The following CHD1 variants were observed in gnomAD, a reference collection of about 807,000 sequenced individuals.
CHD1 encodes the protein chromodomain helicase DNA binding protein 1.
Under a neutral mutation model 224.2 loss-of-function variants are expected in CHD1, and 36 were observed. The observed-to-expected ratio is 0.16, with a 90% CI of 0.12 to 0.21. CHD1 has a LOEUF of 0.21. Among genes scored for constraint, CHD1 ranks in the 10% least tolerant of loss-of-function variants. The pLI is 1.00. For missense variants in CHD1, 1,378 were observed against 1,994.8 expected, an observed-to-expected ratio of 0.69 and a Z score of 5.89; for synonymous variants, 668 against 658.3, an observed-to-expected ratio of 1.01 and a Z score of -0.23.
intron 2 of CHD1, among the ~76,000 whole-genome samples, chr5:98,916,904 T>C (rs997599935): frequency 6.6e-6 from 1 of 150,598 alleles, no homozygotes; most frequent in Non-Finnish European, 1.5e-5. Context: ...CTGATTCTTT[T>C]ATTATAAATT....
chr5:98,857,789 A>C (rs1431762552), intron 35 of CHD1, among the ~76,000 whole-genome samples: 1 of 151,996 alleles, frequency 6.6e-6, no homozygotes, highest in East Asian at 1.9e-4. Context: ...ATTTTTCCCG[A>C]CTTTTTAAAA....
At chr5:98,906,433 T>C (rs1229600207) in intron 2 of CHD1, among the ~76,000 whole-genome samples, 1 of 152,074 alleles carries the variant, frequency 6.6e-6, no homozygotes, top group Non-Finnish European at 1.5e-5. Flanking sequence ...TATTAAAAGA[T>C]TTTTTTTCCT....
Position 98,889,056 on chromosome 5 carries a change from C to G in CHD1, c.2343+20G>C, listed in dbSNP as rs1268887424. 6.7e-7 allele frequency: 1 copy of G among 1,503,638 alleles called. No individual in the cohort carries two copies. The highest frequency in any genetic ancestry group is 1.2e-5 in the South Asian group (1 of 83,094). The allele number at this position is 1,503,638 out of a possible 1,614,324, so 93.1% of individuals were successfully genotyped here. On this transcript the variant is annotated intron_variant, in intron 16 of 35. Transcript: ENST00000614616. ...TTTCTAGAACTTTATCACAAAGAAACAACATTTAAAAATTCTTACTTGTAA... is the reference window on the plus strand; with the variant it reads ...TTTCTAGAACTTTATCACAAAGAAAGAACATTTAAAAATTCTTACTTGTAA...
intron 2 of CHD1, among the ~76,000 whole-genome samples, chr5:98,913,059 A>G (rs2112596719): frequency 6.6e-6 from 1 of 152,334 alleles, no homozygotes; most frequent in Non-Finnish European, 1.5e-5. Context: ...AGAGAGCTAT[A>G]AATAAACAAA....
At chr5:98,926,963 C>G (rs2112685035) in intron 1 of CHD1, among the ~76,000 whole-genome samples, 1 of 151,032 alleles carries the variant, frequency 6.6e-6, no homozygotes, top group East Asian at 2.0e-4. Flanking sequence ...AGCCCTCACT[C>G]CTATCACCAA....
In CHD1 at chr5:98,926,324, GCTTA is replaced by G. The variant is rs773515426; in HGVS notation, c.53+6_53+9del. ...CATAGTAAACAATTGATAACAAAGT[GCTTA>G]CTTACCTTGATTCTCCACTACTGTT... On this transcript the variant is annotated splice_donor_region_variant and intron_variant, in intron 2 of 35. Coordinates refer to ENST00000614616, the MANE Select transcript of CHD1 (RefSeq NM_001270.4). 42 of 1,486,560 alleles carry G rather than the reference GCTTA, an allele frequency of 2.8e-5. No homozygotes were observed. The African/African-American group carries it at 4.3e-4, about 15-fold the overall frequency. 92.1% of individuals were successfully genotyped at this position (1,486,560 alleles called of 1,614,324 possible). A position where few individuals can be genotyped will look rare whatever the true frequency, so the allele number is the denominator to read the frequency against.
At position 98,900,932 on chromosome 5, in the gene CHD1, T is replaced by A; in HGVS notation, c.738A>T (p.Glu246Asp). Residue 246 changes from glutamate (E) to aspartate (D), a missense_variant, in exon 7 of 36, where the codon GAA becomes GAT. Coordinates refer to ENST00000614616, the MANE Select transcript of CHD1 (RefSeq NM_001270.4). The part of the protein sequence containing the change: ...ATVNVSYKED[E>D]EMKTDSDDLL... ...GGTCATCAGAATCTGTTTTCATTTC[T>A]TCATCCTCCTTATAGCTAACATTAA... 1.2e-6 allele frequency: 2 copies of A among 1,614,116 alleles called. No homozygotes were observed. Among genetic ancestry groups the A allele is most frequent in the Non-Finnish European group, 1.7e-6 (2 of 1,180,012 alleles).
chr5:98,881,477 A>G, intron 20 of CHD1, 102 bp from the exon 21 acceptor site: 1 of 579,624 alleles, frequency 1.7e-6, no homozygotes, highest in Non-Finnish European at 3.0e-6. Flanking sequence ...TACAACAGTT[A>G]CATGAAGAAG....
intron 2 of CHD1, 82 bp downstream of exon 2, chr5:98,926,252 A>AT: frequency 4.7e-6 from 4 of 858,072 alleles, no homozygotes; most frequent in Non-Finnish European, 7.3e-6. Flanking sequence ...GGAAAACTAA[A>AT]TAACAACAAT....
At chr5:98,899,408 ATTCT>A in intron 8 of CHD1, 68 bp downstream of exon 8, 2 of 950,248 alleles carry the variant, frequency 2.1e-6, no homozygotes, top group Non-Finnish European at 3.2e-6. Context: ...GTTACTATGT[ATTCT>A]TTATTAACAT....
chr5:98,916,195 AAAAT>A (rs1407067879), intron 2 of CHD1, among the ~76,000 whole-genome samples: 2 of 152,212 alleles, frequency 1.3e-5, no homozygotes, highest in South Asian at 2.1e-4. Context: ...TCCATCTTAA[AAAAT>A]AAATAAATAA....
At chr5:98,922,481 A>T (rs162161) in intron 2 of CHD1, among the ~76,000 whole-genome samples, 8,118 of 151,072 alleles carry the variant, frequency 0.054, 716 homozygotes, top group African/African-American at 0.19. Context: ...ATAGTTAAAA[A>T]TTTTTTTTTT....
chr5:98,867,681 T>G (rs557508672), intron 31 of CHD1, among the ~76,000 whole-genome samples: 2 of 152,282 alleles, frequency 1.3e-5, no homozygotes, highest in South Asian at 4.1e-4. Flanking sequence ...CTTAAAAGTC[T>G]TTATTAAAAA....
intron 11 of CHD1, among the ~76,000 whole-genome samples, chr5:98,896,740 T>C (rs1448223797): frequency 6.6e-6 from 1 of 150,654 alleles, no homozygotes; most frequent in East Asian, 1.9e-4. Flanking sequence ...CTACTAGTAG[T>C]AGAGTCCAGA....
intron 30 of CHD1, chr5:98,869,303 T>C (rs1749137322): frequency 1.0e-6 from 1 of 984,916 alleles, no homozygotes. Flanking sequence ...ATGGCCAATG[T>C]ATTACTAACC....
At chr5:98,913,916 A>C (rs1192422288) in intron 2 of CHD1, among the ~76,000 whole-genome samples, 2 of 152,104 alleles carry the variant, frequency 1.3e-5, no homozygotes, top group African/African-American at 4.8e-5. Context: ...TTATGATGAG[A>C]GTAGTAGTTT....
chr5:98,923,911 T>C (rs1753274898), intron 2 of CHD1, among the ~76,000 whole-genome samples: 1 of 152,206 alleles, frequency 6.6e-6, no homozygotes. Flanking sequence ...TTGGTTCCTT[T>C]GTTTCCTCTA....
At chr5:98,872,633 T>C (rs112427951) in intron 26 of CHD1, 78 bp from the exon 27 acceptor site, 1 of 1,161,022 alleles carries the variant, frequency 8.6e-7, no homozygotes, top group Non-Finnish European at 1.3e-6. Context: ...ACTGATGCTA[T>C]TACTTATGTT....
chr5:98,919,798 A>G (rs1223813249), intron 2 of CHD1, among the ~76,000 whole-genome samples: 2 of 152,240 alleles, frequency 1.3e-5, no homozygotes, highest in African/African-American at 2.4e-5. Flanking sequence ...TACATAATAT[A>G]TCTACATATA....
Sources: gnomAD v4.1 joint callset for allele counts (sites outside exome capture counted in the v4.1 genomes callset) on GRCh38, gnomAD v4.1.1 for gene constraint, MANE v1.5 for transcripts, NCBI Gene and HGNC (gene_info 2026-07-23, HGNC 2026-07-21) for gene names.